Variants in ECPAS observed in about 807,000 individuals in gnomAD.
The protein encoded by ECPAS is proteasome adapter and scaffold protein ECM29.
ECPAS carries 70 observed loss-of-function variants against 255.1 expected under a neutral mutation model. The ratio of observed to expected loss-of-function variants is 0.27; its 90% confidence interval spans 0.23 to 0.33. ECPAS has a LOEUF of 0.33. ECPAS is among the 10% of genes least tolerant of loss of function. The pLI, the probability that ECPAS is intolerant of heterozygous loss-of-function variation, is 1.00. For missense variants in ECPAS, 1,817 were observed against 2,206.4 expected (o/e 0.82, Z 3.54); for synonymous variants, 784 against 775.0 (o/e 1.01, Z -0.19).
At chr9:111,451,963 T>C (rs1445485552) in intron 2 of ECPAS, among the ~76,000 whole-genome samples, 1 of 152,168 alleles carries the variant, frequency 6.6e-6, no homozygotes, top group Non-Finnish European at 1.5e-5. Flanking sequence ...CTGATGAAGT[T>C]TCTCCAAAGA....
chr9:111,397,098 A>G lies in ECPAS; in HGVS notation c.2708T>C (p.Ile903Thr). The G allele has an allele frequency of 1.2e-6, 2 of 1,613,940 alleles. No individual in the cohort carries two copies. Among genetic ancestry groups the G allele is most frequent in the Non-Finnish European group, 1.7e-6 (2 of 1,179,812 alleles). The change falls in exon 25 of 50, where the codon ATA becomes ACA. Residue 903 changes from isoleucine to threonine, a missense_variant. Ile to Thr is a moderately conservative substitution (Grantham distance 89, BLOSUM62 -1). Around this residue, in one of 4 missense-constraint regions of ECPAS, gnomAD observed 960 missense variants for 1,179.0 expected, o/e 0.81. Coordinates refer to ENST00000684092, the MANE Select transcript of ECPAS (RefSeq NM_001364929.1). ...TCGGGCAGCCACAGAACTAGTTCCT[A>G]TTGCAGCACTGGTAATGGCTTCGCC... ...TIGEAITSAAIGTSSVAARDA... is the reference protein window; with the variant it reads ...TIGEAITSAATGTSSVAARDA...
chr9:111,441,084 G>A (rs1291060558), intron 5 of ECPAS, among the ~76,000 whole-genome samples: 5 of 151,416 alleles, frequency 3.3e-5, no homozygotes, highest in Non-Finnish European at 4.4e-5. Context: ...CCCGGGAGGC[G>A]GAGCTTGCAG....
At chr9:111,399,998 G>A (rs1211261981) in intron 24 of ECPAS, among the ~76,000 whole-genome samples, 1 of 152,388 alleles carries the variant, frequency 6.6e-6, no homozygotes, top group South Asian at 2.1e-4. Context: ...GCTAGCTGCT[G>A]TGGCCACAGG....
At chr9:111,430,503 A>T (rs370874554) in intron 9 of ECPAS, 44 bp downstream of exon 9, 137 of 1,225,852 alleles carry the variant, frequency 1.1e-4, no homozygotes, top group Non-Finnish European at 1.6e-4. Context: ...CATGTCAACA[A>T]ACTACTTTTT....
chr9:111,480,232 T>C (rs569034204), intron 1 of ECPAS, among the ~76,000 whole-genome samples: 6 of 151,410 alleles, frequency 4.0e-5, no homozygotes, highest in South Asian at 2.1e-4. Flanking sequence ...TCATAAATGA[T>C]AGAAAATATT....
At chr9:111,363,403 T>C (rs1190670015) in intron 49 of ECPAS, among the ~76,000 whole-genome samples, 185 bp downstream of exon 49, 1 of 152,178 alleles carries the variant, frequency 6.6e-6, no homozygotes, top group East Asian at 1.9e-4. Flanking sequence ...TAAAAGTGTA[T>C]CAAATTTAAA....
chr9:111,426,919 T>C (rs553295875), intron 10 of ECPAS, among the ~76,000 whole-genome samples: 1 of 152,054 alleles, frequency 6.6e-6, no homozygotes, highest in East Asian at 1.9e-4. Flanking sequence ...GCAGTAAGCC[T>C]AGATCACACC....
chr9:111,425,577 G>A (rs576528669), intron 11 of ECPAS, 81 bp from the exon 12 acceptor site: 10 of 1,123,566 alleles, frequency 8.9e-6, no homozygotes, highest in Non-Finnish European at 1.1e-5. Flanking sequence ...ATAAAATAAT[G>A]AGAGACATAA....
At chr9:111,426,286 T>C (rs542929408) in intron 10 of ECPAS, among the ~76,000 whole-genome samples, 1 of 151,372 alleles carries the variant, frequency 6.6e-6, no homozygotes, top group African/African-American at 2.4e-5. Context: ...CTGTGCAGCA[T>C]CCAGCAAGTT....
intron 35 of ECPAS, 35 bp from the exon 36 acceptor site, chr9:111,378,765 T>G: frequency 6.4e-7 from 1 of 1,568,888 alleles, no homozygotes; most frequent in South Asian, 1.2e-5. Flanking sequence ...CTGAGTCCTT[T>G]TAACAAAAGT....
At chr9:111,458,071 G>T (rs970450591) in intron 2 of ECPAS, among the ~76,000 whole-genome samples, 1 of 152,046 alleles carries the variant, frequency 6.6e-6, no homozygotes, top group African/African-American at 2.4e-5. Flanking sequence ...CATATATTAT[G>T]GGGACAATTC....
Position 111,382,830 on chromosome 9 carries a change from G to A in ECPAS, c.3803+381C>T, listed in dbSNP as rs191893781. 3.8e-4 allele frequency among the ~76,000 whole-genome samples: 58 copies of A among 152,214 alleles called. 1 individual carries two copies. The East Asian group carries it at 7.3e-3, about 19-fold the overall frequency. On this transcript the variant is annotated intron_variant, in intron 35 of 49. Transcript: ENST00000684092. ...AAGTAGTCATATATTATATCAAAAC[G>A]TGTAAGTACATTTTTTGAATATTTC...
chr9:111,483,546 T>A, intron 1 of ECPAS: 1 of 796,792 alleles, frequency 1.3e-6, no homozygotes, highest in South Asian at 5.8e-5. Flanking sequence ...GCAGCCATGT[T>A]GCGCCGGGGA....
At chr9:111,459,581 A>G (rs906589695) in intron 2 of ECPAS, among the ~76,000 whole-genome samples, 1 of 152,104 alleles carries the variant, frequency 6.6e-6, no homozygotes, top group African/African-American at 2.4e-5. Flanking sequence ...ACTACCACCA[A>G]AGGAAAACTG....
intron 3 of ECPAS, among the ~76,000 whole-genome samples, chr9:111,448,384 T>C (rs2098256011): frequency 6.6e-6 from 1 of 151,702 alleles, no homozygotes. Context: ...ATAAAACAGG[T>C]TTTGGAGAAA....
At chr9:111,457,567 T>C (rs2098268429) in intron 2 of ECPAS, among the ~76,000 whole-genome samples, 1 of 152,168 alleles carries the variant, frequency 6.6e-6, no homozygotes, top group Non-Finnish European at 1.5e-5. Flanking sequence ...CTGAAAGAAT[T>C]CCCTTCTGAT....
intron 29 of ECPAS, among the ~76,000 whole-genome samples, chr9:111,390,400 A>G (rs893659099): frequency 2.6e-5 from 4 of 152,190 alleles, no homozygotes; most frequent in South Asian, 2.1e-4. Context: ...ATTCTTCATT[A>G]TGTTATGCAT....
At chr9:111,382,138 T>C (rs1383629656) in intron 35 of ECPAS, among the ~76,000 whole-genome samples, 2 of 152,088 alleles carry the variant, frequency 1.3e-5, no homozygotes, top group Non-Finnish European at 2.9e-5. Context: ...GAGTGATTGG[T>C]AGGTTCAGGT....
rs779382226 is a variant in ECPAS at position 111,383,309 on chromosome 9, A to G, written c.3705T>C (p.Pro1235=). The change falls in exon 35 of 50, where the codon CCT becomes CCC. Residue 1235 remains proline (P), a synonymous_variant. Coordinates refer to ENST00000684092, the MANE Select transcript of ECPAS (RefSeq NM_001364929.1). Reference sequence around the variant, plus strand: ...TTCTCTGGCCAGCTGCTCCTTTGGCAGGGTCACACATTTTCACACAGACCT... The same window carrying G: ...TTCTCTGGCCAGCTGCTCCTTTGGCGGGGTCACACATTTTCACACAGACCT... ...LSKVCVKMCD[P]AKGAAGQRTI... The G allele has an allele frequency of 1.4e-5, 22 of 1,612,072 alleles. No homozygotes were observed. Among genetic ancestry groups the G allele is most frequent in the Non-Finnish European group, 1.9e-5 (22 of 1,179,058 alleles).
Sources: allele counts gnomAD v4.1 joint callset (sites outside exome capture counted in the v4.1 genomes callset), GRCh38; gene constraint gnomAD v4.1.1; regional missense constraint gnomAD v4.1.1; transcripts MANE v1.5; gene names NCBI Gene and HGNC (gene_info 2026-07-23, HGNC 2026-07-21).